Variants in DYM observed in about 807,000 individuals in gnomAD.
DYM encodes dymeclin, also known as dyggve-Melchior-Clausen syndrome protein.
Under a neutral mutation model 93.1 loss-of-function variants are expected in DYM, and 78 were observed. The observed-to-expected ratio is 0.84, with a 90% CI of 0.70 to 1.01. The LOEUF is 1.01. Among genes scored for constraint, DYM ranks in the 50% least tolerant of loss-of-function variants. The probability of loss-of-function intolerance (pLI) is 0.00; values close to 1 mark genes in which losing one functional copy is unlikely to be tolerated. For synonymous variants in DYM, 321 were observed against 319.7 expected, an observed-to-expected ratio of 1.00 and a Z score of -0.04; for missense variants, 789 against 845.0, an observed-to-expected ratio of 0.93 and a Z score of 0.82.
chr18:49,178,865 A>C (rs537626119), intron 14 of DYM, among the ~76,000 whole-genome samples: 1 of 152,086 alleles, frequency 6.6e-6, no homozygotes, highest in Non-Finnish European at 1.5e-5. Flanking sequence ...GATAGGAAAT[A>C]ATCTATTTTA....
chr18:49,083,315 GTT>G (rs1356387016), intron 17 of DYM, among the ~76,000 whole-genome samples: 3 of 152,156 alleles, frequency 2.0e-5, no homozygotes, highest in African/African-American at 7.2e-5. Context: ...TACTATTTCA[GTT>G]TTGGATATTA....
At chr18:49,385,640 A>G (rs141100447) in intron 3 of DYM, among the ~76,000 whole-genome samples, 3 of 152,200 alleles carry the variant, frequency 2.0e-5, no homozygotes, top group African/African-American at 7.2e-5. Flanking sequence ...GGTTGCAGTG[A>G]GTGGAGATCA....
At chr18:49,208,028 T>C (rs752514736) in intron 14 of DYM, among the ~76,000 whole-genome samples, 5 of 151,330 alleles carry the variant, frequency 3.3e-5, no homozygotes, top group Non-Finnish European at 5.9e-5. Flanking sequence ...TCTAAAAATA[T>C]AAAAATTAGC....
intron 8 of DYM, among the ~76,000 whole-genome samples, chr18:49,317,515 T>C (rs1052667451): frequency 6.7e-6 from 1 of 150,110 alleles, no homozygotes; most frequent in African/African-American, 2.5e-5. Context: ...AATCAACTCA[T>C]ATAATGGTAC....
chr18:49,153,535 A>G (rs1443993198), intron 15 of DYM, among the ~76,000 whole-genome samples: 3 of 152,360 alleles, frequency 2.0e-5, no homozygotes, highest in Middle Eastern at 3.4e-3. Context: ...TCAAAAAAAG[A>G]TAAGAGTAAA....
chr18:49,273,322 C>T (rs2094760904), intron 10 of DYM, among the ~76,000 whole-genome samples: 1 of 152,150 alleles, frequency 6.6e-6, no homozygotes, highest in African/African-American at 2.4e-5. Flanking sequence ...GTCTCTTTTC[C>T]CAGGCATTCT....
intron 14 of DYM, among the ~76,000 whole-genome samples, chr18:49,172,331 A>G (rs2088851336): frequency 6.6e-6 from 1 of 152,142 alleles, no homozygotes; most frequent in Non-Finnish European, 1.5e-5. Context: ...GTGTGAACAT[A>G]TGTTTTCATT....
intron 14 of DYM, among the ~76,000 whole-genome samples, chr18:49,199,374 T>A (rs1324277385): frequency 1.3e-5 from 2 of 152,258 alleles, no homozygotes; most frequent in African/African-American, 4.8e-5. Flanking sequence ...ACTTAAAGTA[T>A]AATTAAATAA....
chr18:49,337,669 C>T (rs184261435), intron 6 of DYM, among the ~76,000 whole-genome samples: 1 of 152,112 alleles, frequency 6.6e-6, no homozygotes, highest in East Asian at 1.9e-4. Flanking sequence ...AGAGAGGAGT[C>T]CTAGTGAAGA....
intron 7 of DYM, among the ~76,000 whole-genome samples, chr18:49,332,642 T>C (rs1024430515): frequency 2.0e-5 from 3 of 152,214 alleles, no homozygotes; most frequent in African/African-American, 4.8e-5. Flanking sequence ...TTTAACAGAT[T>C]CTTTAATGTA....
intron 5 of DYM, among the ~76,000 whole-genome samples, chr18:49,366,122 GC>G (rs1210752433): frequency 6.6e-6 from 1 of 152,052 alleles, no homozygotes; most frequent in Non-Finnish European, 1.5e-5. Context: ...TTGTTTCTCA[GC>G]TAATCTAGAA....
intron 2 of DYM, among the ~76,000 whole-genome samples, chr18:49,414,198 T>C (rs1047984678): frequency 6.6e-6 from 1 of 152,096 alleles, no homozygotes; most frequent in Admixed American, 6.5e-5. Context: ...TTAATAGGTA[T>C]AGCATTTCTA....
intron 13 of DYM, among the ~76,000 whole-genome samples, chr18:49,238,625 T>C (rs534610015): frequency 3.5e-4 from 54 of 152,124 alleles, no homozygotes; most frequent in African/African-American, 1.2e-3. Flanking sequence ...AGATGTTTTC[T>C]TTGGAAGTTA....
At chr18:49,201,216 A>C (rs923597117) in intron 14 of DYM, among the ~76,000 whole-genome samples, 1 of 152,208 alleles carries the variant, frequency 6.6e-6, no homozygotes, top group African/African-American at 2.4e-5. Context: ...GTTGATAGGA[A>C]CTAACTACAT....
chr18:49,209,373 A>G (rs2092675264), intron 14 of DYM, among the ~76,000 whole-genome samples, 178 bp downstream of exon 14: 1 of 152,244 alleles, frequency 6.6e-6, no homozygotes, highest in Non-Finnish European at 1.5e-5. Context: ...TAAATTACTT[A>G]AGAAGACATT....
chr18:49,304,711 C>T (rs989777707), intron 8 of DYM, among the ~76,000 whole-genome samples: 16 of 152,196 alleles, frequency 1.1e-4, no homozygotes, highest in African/African-American at 2.7e-4. Context: ...CATCCATCAA[C>T]GTTTCTTGCT....
In DYM at chr18:49,211,370, G is replaced by A. The variant is rs565248002; in HGVS notation, c.1461-1655C>T. Among the ~76,000 whole-genome samples, 5 of 152,254 alleles carry A rather than the reference G, an allele frequency of 3.3e-5. No individual in the cohort carries two copies. The East Asian group carries it at 9.6e-4, about 29-fold the overall frequency. ...TTTAAAAATAGCAAGCTAGAGAGAAGAGAATGTAAAATCAATCTGACAAGG... is the reference window on the plus strand; with the variant it reads ...TTTAAAAATAGCAAGCTAGAGAGAAAAGAATGTAAAATCAATCTGACAAGG... On this transcript the variant is annotated intron_variant, in intron 13 of 17. Transcript: ENST00000675505.
chr18:49,112,110 C>CCTGCCTCCTCT lies in DYM; in HGVS notation c.1911+6633_1911+6634insAGAGGAGGCAG, dbSNP rs1260718966. On this transcript the variant is annotated intron_variant, in intron 16 of 17. Coordinates refer to ENST00000675505, the MANE Select transcript of DYM (RefSeq NM_001353214.3). ...ACAAGGTTTGGTGCCTGCCTCTGCA[C>CCTGCCTCCTCT]CCGCCTCCTCTCCGCACCCCCCTCC... Among the ~76,000 whole-genome samples the CCTGCCTCCTCT allele has an allele frequency of 7.9e-5, 12 of 152,170 alleles. No individual in the cohort carries two copies. The South Asian group carries it at 1.0e-3, about 13-fold the overall frequency.
Position 49,134,830 on chromosome 18 carries a change from G to A in DYM, c.1729-15904C>T, listed in dbSNP as rs1310241008. 7.2e-5 allele frequency among the ~76,000 whole-genome samples: 11 copies of A among 152,270 alleles called. No homozygotes were observed. The East Asian group carries it at 9.7e-4, about 13-fold the overall frequency. On this transcript the variant is annotated intron_variant, in intron 15 of 17. Coordinates refer to ENST00000675505, the MANE Select transcript of DYM (RefSeq NM_001353214.3). The stretch of plus-strand genomic sequence containing the variant: ...TCTATCAAAAACACTTTTCTCAGCC[G>A]GGCATGGTGGCTCACGCCAGTAATT...
Sources: allele counts gnomAD v4.1 joint callset (sites outside exome capture counted in the v4.1 genomes callset), GRCh38; gene constraint gnomAD v4.1.1; transcripts MANE v1.5; gene names NCBI Gene and HGNC (gene_info 2026-07-23, HGNC 2026-07-21).